Variants in PCLO observed in about 807,000 individuals in gnomAD.
PCLO encodes protein piccolo.
PCLO carries 82 observed loss-of-function variants against 427.5 expected under a neutral mutation model. The observed-to-expected ratio is 0.19, with a 90% confidence interval of 0.16 to 0.23. The LOEUF is 0.23. PCLO is among the 10% of genes least tolerant of loss of function. The pLI is 1.00. For synonymous variants in PCLO, 2,357 were observed against 2,155.4 expected, an observed-to-expected ratio of 1.09 and a Z score of -2.59; for missense variants, 6,239 against 6,115.9, an observed-to-expected ratio of 1.02 and a Z score of -0.67.
chr7:82,872,543 A>C (rs533193732), intron 10 of PCLO, among the ~76,000 whole-genome samples: 5 of 152,094 alleles, frequency 3.3e-5, no homozygotes, highest in African/African-American at 7.2e-5. Context: ...GGAAAAAAAA[A>C]CAAACTAGTT....
intron 5 of PCLO, 24 bp downstream of exon 5, chr7:82,951,832 G>T: frequency 4.4e-6 from 7 of 1,590,536 alleles, no homozygotes; most frequent in Non-Finnish European, 6.0e-6. Context: ...TTCAAGGAAA[G>T]GTCTGCTGCC....
chr7:82,914,152 T>A (rs1794388663), intron 7 of PCLO, among the ~76,000 whole-genome samples: 1 of 151,980 alleles, frequency 6.6e-6, no homozygotes, highest in South Asian at 2.1e-4. Flanking sequence ...TATACTAACA[T>A]CAAGAACTTA....
intron 2 of PCLO, among the ~76,000 whole-genome samples, chr7:83,143,519 C>G (rs1791915838): frequency 7.0e-6 from 1 of 142,204 alleles, no homozygotes; most frequent in Admixed American, 7.4e-5. Flanking sequence ...CCTTGTAAAA[C>G]ATAAACTAAA....
At chr7:82,911,828 G>A (rs571950098) in intron 7 of PCLO, among the ~76,000 whole-genome samples, 2 of 152,104 alleles carry the variant, frequency 1.3e-5, no homozygotes, top group African/African-American at 4.8e-5. Context: ...TCACCATGTT[G>A]GCTAGGATGG....
rs143520608 is a variant in PCLO at position 82,956,284 on chromosome 7, G to C, written c.4669C>G (p.Arg1557Gly). ...GCACTCATTTCTATGATTTGTTTTC[G>C]AATGAAGTCCTCCTCTTCCCCTGAT... ...QGSGEEEDFI[R>G]KQIIEMSADE... The change falls in exon 5 of 25, where the codon CGA (arginine) becomes GGA (glycine). Residue 1557 changes from arginine (R) to glycine (G), a missense_variant. Coordinates refer to ENST00000333891, the MANE Select transcript of PCLO (RefSeq NM_033026.6). The C allele has an allele frequency of 6.2e-7, 1 of 1,612,342 alleles. No individual in the cohort carries two copies. The highest frequency in any genetic ancestry group is 8.5e-7 in the Non-Finnish European group (1 of 1,179,838).
chr7:82,876,481 CACACACAT>C (rs1401135741), intron 10 of PCLO, among the ~76,000 whole-genome samples: 72 of 149,756 alleles, frequency 4.8e-4, no homozygotes, highest in East Asian at 1.4e-3. Flanking sequence ...CACACACACA[CACACACAT>C]ACACCACACA....
chr7:82,854,707 A>G (rs958063087), intron 10 of PCLO, among the ~76,000 whole-genome samples: 13 of 152,108 alleles, frequency 8.5e-5, no homozygotes, highest in Non-Finnish European at 1.5e-4. Context: ...CTTTAGATAA[A>G]TGTTATACAG....
Position 82,916,399 on chromosome 7 carries a change from C to T in PCLO, c.11587G>A (p.Glu3863Lys). The change falls in exon 7 of 25, where the codon GAA (glutamate) becomes AAA (lysine). Residue 3863 changes from glutamate (E) to lysine (K), a missense_variant. Glu to Lys is a moderately conservative substitution (Grantham distance 56). Around this residue, in one of 5 missense-constraint regions of PCLO, gnomAD observed 680 missense variants for 677.3 expected, o/e 1.00. Transcript: ENST00000333891. ...TGTGGTGGTATAAACTGGCTGAATT[C>T]AGTTTGGGGAGCAGTTCTTGGTCGC... is the stretch of plus-strand genomic sequence containing the variant. ...IERPRTAPQT[E>K]FSQFIPPQTQ... The T allele has an allele frequency of 1.2e-6, 2 of 1,613,666 alleles. No individual in the cohort carries two copies. Among genetic ancestry groups the T allele is most frequent in the Non-Finnish European group, 1.7e-6 (2 of 1,179,738 alleles).
In PCLO at chr7:83,153,272, T is replaced by C. The variant is rs374307681; in HGVS notation, c.1893+1476A>G. On this transcript the variant is annotated intron_variant, in intron 2 of 24. Coordinates refer to ENST00000333891, the MANE Select transcript of PCLO (RefSeq NM_033026.6). Reference sequence around the variant, plus strand: ...ACTACTTATAATCTGATTTCTTCCATAAGTCAAATGCAGCATATTCTTATT... The same window carrying C: ...ACTACTTATAATCTGATTTCTTCCACAAGTCAAATGCAGCATATTCTTATT... 6.6e-5 allele frequency among the ~76,000 whole-genome samples: 10 copies of C among 151,550 alleles called. 1 individual carries two copies. Among genetic ancestry groups the C allele is most frequent in the Admixed American group, 4.6e-4 (7 of 15,182 alleles).
intron 22 of PCLO, among the ~76,000 whole-genome samples, chr7:82,774,366 T>G (rs532046180): frequency 6.6e-6 from 1 of 152,166 alleles, no homozygotes; most frequent in African/African-American, 2.4e-5. Context: ...TGGATCTATC[T>G]CTATGCTTTG....
At chr7:83,040,197 A>C (rs983308976) in intron 3 of PCLO, among the ~76,000 whole-genome samples, 11 of 152,138 alleles carry the variant, frequency 7.2e-5, no homozygotes, top group Admixed American at 3.9e-4. Flanking sequence ...AGTAATGATC[A>C]TTCTTCAGAC....
intron 22 of PCLO, among the ~76,000 whole-genome samples, chr7:82,797,871 G>A (rs1791260532): frequency 6.6e-6 from 1 of 152,102 alleles, no homozygotes; most frequent in Non-Finnish European, 1.5e-5. Flanking sequence ...AACATTATTA[G>A]AGAAAATGAC....
chr7:82,819,933 A>G (rs1195430815), intron 20 of PCLO, among the ~76,000 whole-genome samples: 4 of 152,184 alleles, frequency 2.6e-5, no homozygotes, highest in African/African-American at 9.6e-5. Context: ...TTAAAAAAAC[A>G]TTATTTTAAT....
At chr7:82,760,458 T>C (rs1790406543) in intron 24 of PCLO, among the ~76,000 whole-genome samples, 181 bp downstream of exon 24, 1 of 151,812 alleles carries the variant, frequency 6.6e-6, no homozygotes, top group Non-Finnish European at 1.5e-5. Flanking sequence ...TGGCAGCTGA[T>C]TGGATGGGGT....
chr7:83,103,114 G>A (rs571102813), intron 3 of PCLO, among the ~76,000 whole-genome samples: 2 of 152,034 alleles, frequency 1.3e-5, no homozygotes, highest in South Asian at 4.1e-4. Context: ...TTTTGGGAAA[G>A]TGTCTATACT....
rs1378068789 is a variant in PCLO at position 83,096,876 on chromosome 7, TA to T, written c.3300+37373del. ...ATATATAAAAATATATTATATAATA[TA>T]AATATATTATATAATATATTAATAT... On this transcript the variant is annotated intron_variant, in intron 3 of 24. Coordinates refer to ENST00000333891, the MANE Select transcript of PCLO (RefSeq NM_033026.6). 6.2e-4 allele frequency among the ~76,000 whole-genome samples: 46 copies of T among 74,648 alleles called. 3 individuals are homozygous for T. Among genetic ancestry groups the T allele is most frequent in the African/African-American group, 2.4e-3 (37 of 15,422 alleles). 49.0% of individuals were successfully genotyped at this position (74,648 alleles called of 152,430 possible).
At position 83,155,635 on chromosome 7, in the gene PCLO, A is replaced by G. The variant is rs765672371; in HGVS notation, c.1006T>C (p.Ser336Pro). ...PGPAKPPAQPSGLTKPLAQQP... is the reference protein window; with the variant it reads ...PGPAKPPAQPPGLTKPLAQQP... ...TGAGCCAATGGCTTTGTTAGCCCTG[A>G]GGGCTGAGCTGGGGGCTTTGCAGGC... is the stretch of plus-strand genomic sequence containing the variant. Residue 336 changes from serine (S) to proline (P), a missense_variant, in exon 2 of 25, where the codon TCA becomes CCA. Around this residue, in one of 5 missense-constraint regions of PCLO, gnomAD observed 4,677 missense variants for 4,468.4 expected, o/e 1.05. Coordinates refer to ENST00000333891, the MANE Select transcript of PCLO (RefSeq NM_033026.6). 4 of 1,604,216 alleles carry G rather than the reference A, an allele frequency of 2.5e-6. No individual in the cohort carries two copies. In the Admixed American group the frequency reaches 6.8e-5, roughly 27 times the overall value.
At chr7:83,140,919 G>A (rs1342899090) in intron 2 of PCLO, among the ~76,000 whole-genome samples, 7 of 152,080 alleles carry the variant, frequency 4.6e-5, no homozygotes, top group Non-Finnish European at 8.8e-5. Flanking sequence ...TAATACACTT[G>A]GTCCCTTCAT....
intron 3 of PCLO, among the ~76,000 whole-genome samples, chr7:83,127,945 A>G (rs1304373158): frequency 6.6e-6 from 1 of 152,136 alleles, no homozygotes; most frequent in African/African-American, 2.4e-5. Context: ...CTTGAGATCT[A>G]TCTTCTCTGT....
Sources: allele counts gnomAD v4.1 joint callset (sites outside exome capture counted in the v4.1 genomes callset), GRCh38; gene constraint gnomAD v4.1.1; regional missense constraint gnomAD v4.1.1; transcripts MANE v1.5; gene names NCBI Gene and HGNC (gene_info 2026-07-23, HGNC 2026-07-21).